The following YME1L1 variants were observed in gnomAD, a reference collection of about 807,000 sequenced individuals.
YME1L1 encodes the protein ATP-dependent zinc metalloprotease YME1L1.
In YME1L1, 39 loss-of-function variants were observed where a neutral mutation model predicts 90.4. That is an observed-to-expected ratio of 0.43 (90% confidence interval 0.33 to 0.56). YME1L1 has a LOEUF of 0.56. Among genes scored for constraint, YME1L1 ranks in the 20% least tolerant of loss-of-function variants. The pLI, the probability that YME1L1 is intolerant of heterozygous loss-of-function variation, is 0.03. For missense variants in YME1L1, 617 were observed against 868.4 expected (o/e 0.71, Z 3.64); for synonymous variants, 284 against 287.3 (o/e 0.99, Z 0.12).
intron 8 of YME1L1, among the ~76,000 whole-genome samples, chr10:27,128,859 A>G (rs1208906372): frequency 6.6e-6 from 1 of 152,106 alleles, no homozygotes; most frequent in Non-Finnish European, 1.5e-5. Context: ...TTGTGAGCTA[A>G]GATCACACTA....
At chr10:27,123,009 A>C in intron 10 of YME1L1, 36 bp from the exon 11 acceptor site, 1 of 1,597,776 alleles carries the variant, frequency 6.3e-7, no homozygotes, top group Non-Finnish European at 8.5e-7. Flanking sequence ...AAGCTGAAAG[A>C]AAGTCAACAC....
chr10:27,153,494 A>G (rs2057258637), intron 1 of YME1L1, among the ~76,000 whole-genome samples: 1 of 152,374 alleles, frequency 6.6e-6, no homozygotes, highest in South Asian at 2.1e-4. Context: ...AAGAGACTGG[A>G]ATGAAGCAAG....
chr10:27,129,075 G>A (rs1429282145), intron 8 of YME1L1, among the ~76,000 whole-genome samples: 2 of 87,556 alleles, frequency 2.3e-5, no homozygotes, highest in Non-Finnish European at 3.9e-5. Context: ...AAGAGAGCAA[G>A]ACCCTGTCTC....
At chr10:27,137,303 C>A (rs1327163575) in intron 4 of YME1L1, among the ~76,000 whole-genome samples, 1 of 152,116 alleles carries the variant, frequency 6.6e-6, no homozygotes, top group Non-Finnish European at 1.5e-5. Context: ...GCATATTTTT[C>A]AGAACAGAAC....
At chr10:27,134,772 G>A (rs1406213527) in intron 6 of YME1L1, 59 bp downstream of exon 6, 21 of 1,562,462 alleles carry the variant, frequency 1.3e-5, no homozygotes, top group Middle Eastern at 1.7e-4. Flanking sequence ...CTTAAATGTA[G>A]GACTATGACT....
At chr10:27,116,774 T>C (rs1029011543) in intron 15 of YME1L1, among the ~76,000 whole-genome samples, 1 of 152,108 alleles carries the variant, frequency 6.6e-6, no homozygotes. Context: ...ATACCTGTAG[T>C]CTCAGCACTT....
intron 14 of YME1L1, among the ~76,000 whole-genome samples, chr10:27,118,523 C>G (rs2056836020): frequency 6.6e-6 from 1 of 152,156 alleles, no homozygotes; most frequent in South Asian, 2.1e-4. Context: ...ATTCTGGGCT[C>G]AAGCAGTCCT....
chr10:27,114,739 C>T, intron 17 of YME1L1, 132 bp from the exon 18 acceptor site: 1 of 605,968 alleles, frequency 1.7e-6, no homozygotes, highest in Non-Finnish European at 2.7e-6. Context: ...TAGAAAACTG[C>T]ATTTGAGGCC....
chr10:27,122,733 C>G, intron 11 of YME1L1, 108 bp downstream of exon 11: 2 of 1,457,206 alleles, frequency 1.4e-6, no homozygotes, highest in Non-Finnish European at 1.9e-6. Flanking sequence ...TTTTTCATAT[C>G]TCTAGATATG....
intron 1 of YME1L1, among the ~76,000 whole-genome samples, chr10:27,153,032 C>T (rs1049240974): frequency 6.6e-6 from 1 of 152,158 alleles, no homozygotes; most frequent in African/African-American, 2.4e-5. Context: ...CTGTCACTAC[C>T]CCCTTTAACT....
At position 27,154,303 on chromosome 10, in the gene YME1L1, CT is replaced by C; in HGVS notation, c.-94del. On this transcript the variant is annotated 5_prime_UTR_variant, in exon 1 of 19. Transcript: ENST00000376016. ...GGAGGCGCTGAGCCCTTCTTTTTTCCTTTTTCTCCGACCCGTTGCCCCTCAC... is the reference window on the plus strand; with the variant it reads ...GGAGGCGCTGAGCCCTTCTTTTTTCCTTTTCTCCGACCCGTTGCCCCTCAC... The C allele has an allele frequency of 1.4e-6, 2 of 1,471,914 alleles. No homozygotes were observed. The highest frequency in any genetic ancestry group is 1.8e-6 in the Non-Finnish European group (2 of 1,089,696). 91.2% of individuals were successfully genotyped at this position (1,471,914 alleles called of 1,614,324 possible). A position where few individuals can be genotyped will look rare whatever the true frequency, so the allele number is the denominator to read the frequency against.
At chr10:27,152,890 C>T (rs1373079264) in intron 1 of YME1L1, among the ~76,000 whole-genome samples, 1 of 152,180 alleles carries the variant, frequency 6.6e-6, no homozygotes, top group African/African-American at 2.4e-5. Flanking sequence ...AAAAGCCAGT[C>T]ATCTCTTAAA....
chr10:27,128,831 C>T (rs940198975), intron 8 of YME1L1, among the ~76,000 whole-genome samples: 1 of 151,902 alleles, frequency 6.6e-6, no homozygotes, highest in Non-Finnish European at 1.5e-5. Context: ...ATGGCTGGAG[C>T]CCAGGAGGAG....
intron 14 of YME1L1, among the ~76,000 whole-genome samples, chr10:27,118,017 A>T (rs536004614): frequency 2.0e-4 from 31 of 152,376 alleles, no homozygotes; most frequent in African/African-American, 7.5e-4. Flanking sequence ...CAAATAGTAC[A>T]CCATTTTATA....
chr10:27,120,578 A>G, intron 12 of YME1L1, 31 bp from the exon 13 acceptor site: 2 of 1,558,560 alleles, frequency 1.3e-6, no homozygotes, highest in Non-Finnish European at 1.8e-6. Context: ...GAAAATATAA[A>G]TTAAAACTAT....
intron 4 of YME1L1, 55 bp downstream of exon 4, chr10:27,142,332 A>G: frequency 9.7e-7 from 1 of 1,031,178 alleles, no homozygotes; most frequent in South Asian, 2.4e-5. Context: ...AAGACAAATC[A>G]GACTATAGTA....
rs1564457426 is a variant in YME1L1 at position 27,121,457 on chromosome 10, G to T, written c.1236-9C>A. The T allele has an allele frequency of 6.4e-7, 1 of 1,558,350 alleles. No homozygotes were observed. The highest frequency in any genetic ancestry group is 8.8e-7 in the Non-Finnish European group (1 of 1,131,488). ...CTTCATTGGGTTTAAAACTATATTG[G>T]AAAAAAAATAGTATCTTTTACTAAC... is the stretch of plus-strand genomic sequence containing the variant. On this transcript the variant is annotated splice_polypyrimidine_tract_variant and intron_variant, in intron 11 of 18. Transcript: ENST00000376016.
chr10:27,134,922 G>C lies in YME1L1; in HGVS notation c.600C>G (p.Thr200=), dbSNP rs369023913. ...DVESLDKLMK[T]KNIPEAHQDA... is the part of the protein sequence containing the mutation. ...CTTGGTGAGCTTCAGGTATATTTTT[G>C]GTTTTCATGAGTTTGTCCAAACTCT... The change falls in exon 6 of 19, where the codon ACC becomes ACG. Residue 200 remains threonine, a synonymous_variant. Transcript: ENST00000376016. 1 of 1,613,600 alleles carries C rather than the reference G, an allele frequency of 6.2e-7. No individual in the cohort carries two copies. The highest frequency in any genetic ancestry group is 8.5e-7 in the Non-Finnish European group (1 of 1,179,954).
chr10:27,146,071 GA>G (rs1228470744), intron 2 of YME1L1: 4 of 152,774 alleles, frequency 2.6e-5, no homozygotes, highest in Non-Finnish European at 5.8e-5. Context: ...AGGTCCAGGG[GA>G]TTTTCCCCAA....
Sources: allele counts gnomAD v4.1 joint callset (sites outside exome capture counted in the v4.1 genomes callset), GRCh38; gene constraint gnomAD v4.1.1; transcripts MANE v1.5; gene names NCBI Gene and HGNC (gene_info 2026-07-23, HGNC 2026-07-21).